The following PARD3B variants were observed in gnomAD, a reference collection of about 807,000 sequenced individuals.
PARD3B encodes the protein partitioning defective 3 homolog B.
Under a neutral mutation model 130.2 loss-of-function variants are expected in PARD3B, and 103 were observed. That is an observed-to-expected ratio of 0.79 (90% CI 0.67 to 0.93). The LOEUF is 0.93. PARD3B is among the 40% of genes least tolerant of loss of function. PARD3B has a pLI of 0.00. For missense variants in PARD3B, 1,609 were observed against 1,499.2 expected, an observed-to-expected ratio of 1.07 and a Z score of -1.21; for synonymous variants, 583 against 553.2, an observed-to-expected ratio of 1.05 and a Z score of -0.76.
chr2:205,302,241 G>A (rs927143807), intron 18 of PARD3B, among the ~76,000 whole-genome samples: 2 of 151,552 alleles, frequency 1.3e-5, no homozygotes, highest in Non-Finnish European at 2.9e-5. Context: ...GCTCATTTTT[G>A]TATTTTTAGT....
At chr2:204,695,186 C>T (rs1318590550) in intron 2 of PARD3B, among the ~76,000 whole-genome samples, 3 of 151,950 alleles carry the variant, frequency 2.0e-5, no homozygotes, top group Non-Finnish European at 2.9e-5. Flanking sequence ...TACCAATTTT[C>T]TCTCTCACAT....
At chr2:204,692,565 C>G (rs908787251) in intron 2 of PARD3B, among the ~76,000 whole-genome samples, 5 of 151,602 alleles carry the variant, frequency 3.3e-5, no homozygotes, top group Admixed American at 3.3e-4. Context: ...AGTAAGATTT[C>G]CATCGCAAGC....
intron 1 of PARD3B, among the ~76,000 whole-genome samples, chr2:204,553,238 AT>A: frequency 6.6e-6 from 1 of 152,312 alleles, no homozygotes; most frequent in Non-Finnish European, 1.5e-5. Flanking sequence ...AATGGCCATC[AT>A]CAAAAAATTT....
intron 18 of PARD3B, among the ~76,000 whole-genome samples, chr2:205,375,625 C>G (rs758744242): frequency 3.9e-5 from 6 of 152,028 alleles, no homozygotes; most frequent in Non-Finnish European, 5.9e-5. Context: ...AACACAAGGG[C>G]CTGCTCAAAG....
At chr2:204,602,571 G>A (rs1017526893) in intron 1 of PARD3B, among the ~76,000 whole-genome samples, 1 of 151,988 alleles carries the variant, frequency 6.6e-6, no homozygotes, top group Non-Finnish European at 1.5e-5. Context: ...ACTTTAATCT[G>A]CATTATGGCC....
chr2:204,738,710 G>T (rs955755642), intron 2 of PARD3B, among the ~76,000 whole-genome samples: 1 of 152,054 alleles, frequency 6.6e-6, no homozygotes, highest in Admixed American at 6.6e-5. Context: ...CATCCTTTCT[G>T]GCTGTTCATT....
chr2:204,843,415 T>C (rs2044328469), intron 2 of PARD3B, among the ~76,000 whole-genome samples: 1 of 152,160 alleles, frequency 6.6e-6, no homozygotes, highest in Admixed American at 6.5e-5. Flanking sequence ...TCCTTTTTCT[T>C]TTTTTTCTCC....
At chr2:204,661,865 A>G (rs1338519865) in intron 1 of PARD3B, among the ~76,000 whole-genome samples, 1 of 149,752 alleles carries the variant, frequency 6.7e-6, no homozygotes, top group South Asian at 2.1e-4. Flanking sequence ...CTCCTTCTGC[A>G]TTCAATCTGT....
rs1161165638 is a variant in PARD3B at position 205,591,499 on chromosome 2, C to T, written c.3261-23957C>T. Among the ~76,000 whole-genome samples, 4 of 152,224 alleles carry T rather than the reference C, an allele frequency of 2.6e-5. No individual in the cohort carries two copies. The highest frequency in any genetic ancestry group is 9.6e-5 in the African/African-American group (4 of 41,462). ...ATGCTGAGTGCTTTACAGACTTTCT[C>T]ATTTAACCCTCCTAGCTACTCAGTG... is the stretch of plus-strand genomic sequence containing the variant. On this transcript the variant is annotated intron_variant, in intron 22 of 22. Coordinates refer to ENST00000406610, the MANE Select transcript of PARD3B (RefSeq NM_001302769.2). The surrounding 1 kb of genome is among the most constrained non-coding windows in gnomAD (Gnocchi z 4.2).
chr2:205,422,421 TTGTC>T (rs772971703), intron 19 of PARD3B, among the ~76,000 whole-genome samples: 1 of 152,156 alleles, frequency 6.6e-6, no homozygotes, highest in Non-Finnish European at 1.5e-5. Context: ...GTTTAAGAGA[TTGTC>T]TGGGCTGCTG....
At chr2:204,891,614 A>G (rs190135568) in intron 2 of PARD3B, among the ~76,000 whole-genome samples, 386 of 152,312 alleles carry the variant, frequency 2.5e-3, no homozygotes, top group African/African-American at 8.7e-3. Flanking sequence ...AGATGCTTGC[A>G]ATACTGCAGT....
intron 2 of PARD3B, among the ~76,000 whole-genome samples, chr2:204,722,130 A>G (rs891013008): frequency 1.4e-4 from 21 of 152,204 alleles, no homozygotes; most frequent in African/African-American, 4.3e-4. Context: ...CAAATCAAAA[A>G]TATTTTCTTC....
chr2:205,393,708 C>A (rs1374087102), intron 18 of PARD3B, among the ~76,000 whole-genome samples: 1 of 152,168 alleles, frequency 6.6e-6, no homozygotes, highest in Non-Finnish European at 1.5e-5. Flanking sequence ...GTGGTAATAA[C>A]TGCATAAACT....
intron 2 of PARD3B, among the ~76,000 whole-genome samples, chr2:204,888,184 A>G (rs2046326452): frequency 1.3e-5 from 2 of 152,184 alleles, no homozygotes; most frequent in South Asian, 4.1e-4. Context: ...ATCTATGTGG[A>G]AATAGCTACT....
intron 2 of PARD3B, among the ~76,000 whole-genome samples, chr2:204,794,887 G>T (rs2042318198): frequency 6.6e-6 from 1 of 152,008 alleles, no homozygotes. Context: ...AAATGCTGCT[G>T]TTTCCTCTCT....
In PARD3B at chr2:204,673,820, C is replaced by T. The variant is rs1015669230; in HGVS notation, c.121-12361C>T. On this transcript the variant is annotated intron_variant, in intron 1 of 22. Transcript: ENST00000406610. This position sits in a 1 kb window ranked among gnomAD's most constrained non-coding sequence, Gnocchi z 4.7. ...CCTTCACTAAAATTTAAGCTTTATT[C>T]CTTCCAAGAGCTGGATTTTTATTCT... Among the ~76,000 whole-genome samples the T allele has an allele frequency of 6.6e-6, 1 of 152,142 alleles. No homozygotes were observed. Among genetic ancestry groups the T allele is most frequent in the African/African-American group, 2.4e-5 (1 of 41,432 alleles).
intron 3 of PARD3B, among the ~76,000 whole-genome samples, chr2:205,023,320 C>T (rs867838400): frequency 3.3e-5 from 5 of 152,102 alleles, no homozygotes; most frequent in Admixed American, 6.6e-5. Flanking sequence ...AATAATTGTA[C>T]GTGGCAGCAA....
rs1704001789 is a variant in PARD3B, at chr2:205,116,049, C to G, written c.680+2472C>G. On this transcript the variant is annotated intron_variant, in intron 6 of 22. Transcript: ENST00000406610. The surrounding 1 kb of genome is among the most constrained non-coding windows in gnomAD (Gnocchi z 4.5). ...TAGTGGCTGCTCTGCTAGATAAAGC[C>G]TCAATGAATTCATTAGATACCATCG... Among the ~76,000 whole-genome samples, 1 of 151,802 alleles carries G rather than the reference C, an allele frequency of 6.6e-6. No homozygotes were observed. The highest frequency in any genetic ancestry group is 6.6e-5 in the Admixed American group (1 of 15,212).
intron 15 of PARD3B, among the ~76,000 whole-genome samples, chr2:205,220,942 G>A (rs1215357241): frequency 6.6e-6 from 1 of 152,150 alleles, no homozygotes; most frequent in Non-Finnish European, 1.5e-5. Flanking sequence ...TATTGGAGGG[G>A]CTGCTGCACT....
Sources: allele counts gnomAD v4.1 joint callset (sites outside exome capture counted in the v4.1 genomes callset), GRCh38; gene constraint gnomAD v4.1.1; non-coding constraint Gnocchi (gnomAD v3.1); transcripts MANE v1.5; gene names NCBI Gene and HGNC (gene_info 2026-07-23, HGNC 2026-07-21).